CHD2: variants seen among roughly 807,000 people sequenced by gnomAD.
CHD2 encodes the protein chromodomain helicase DNA binding protein 2.
CHD2 carries 28 observed loss-of-function variants against 243.9 expected under a neutral mutation model. The observed-to-expected ratio is 0.11, with a 90% CI of 0.09 to 0.16. The LOEUF (loss-of-function observed/expected upper bound fraction) is 0.16. CHD2 is among the 10% of genes least tolerant of loss of function. The pLI is 1.00. For missense variants in CHD2, 1,386 were observed against 2,209.8 expected (o/e 0.63, Z 7.47); for synonymous variants, 775 against 779.0 (o/e 0.99, Z 0.09).
intron 22 of CHD2, 150 bp from the exon 23 acceptor site, chr15:92,980,665 G>GA: frequency 1.7e-6 from 1 of 603,992 alleles, no homozygotes; most frequent in East Asian, 2.9e-5. Context: ...CCTGTAGATA[G>GA]AAAATGCGAT....
chr15:93,005,221 C>G (rs1158295335), intron 34 of CHD2, among the ~76,000 whole-genome samples: 1 of 152,034 alleles, frequency 6.6e-6, no homozygotes, highest in East Asian at 1.9e-4. Flanking sequence ...CTGTGGAGAT[C>G]CTGTGAGAAG....
Position 92,991,529 on chromosome 15 carries a change from G to A in CHD2, c.3455+12G>A, listed in dbSNP as rs1457964954. 7 of 1,588,610 alleles carry A rather than the reference G, an allele frequency of 4.4e-6. No homozygotes were observed. Among genetic ancestry groups the A allele is most frequent in the African/African-American group, 4.1e-5 (3 of 73,760 alleles). Reference sequence around the variant, plus strand: ...CTCCCTCTTGAACGGTAAGTTCAGTGTAATAGTCCCTTATCTTCCTCTTTT... The same window carrying A: ...CTCCCTCTTGAACGGTAAGTTCAGTATAATAGTCCCTTATCTTCCTCTTTT... On this transcript the variant is annotated intron_variant, in intron 27 of 38. Coordinates refer to ENST00000394196, the MANE Select transcript of CHD2 (RefSeq NM_001271.4).
At chr15:92,963,372 TCA>T (rs1349797757) in intron 16 of CHD2, among the ~76,000 whole-genome samples, 1 of 152,232 alleles carries the variant, frequency 6.6e-6, no homozygotes, top group East Asian at 1.9e-4. Flanking sequence ...ATTGTATGCA[TCA>T]GTCTTCTTCA....
At chr15:92,991,085 A>T (rs1007401128) in intron 26 of CHD2, among the ~76,000 whole-genome samples, 4 of 152,262 alleles carry the variant, frequency 2.6e-5, no homozygotes, top group African/African-American at 9.6e-5. Context: ...GGTGAACTGA[A>T]TACGCTGATG....
At chr15:92,929,202 CTG>C in intron 5 of CHD2, 111 bp downstream of exon 5, 1 of 980,874 alleles carries the variant, frequency 1.0e-6, no homozygotes, top group Non-Finnish European at 1.5e-6. Context: ...TAGTCTGCTT[CTG>C]TCTCTCTTAC....
chr15:92,987,759 C>T (rs2054063038), intron 26 of CHD2, among the ~76,000 whole-genome samples: 2 of 149,416 alleles, frequency 1.3e-5, no homozygotes. Context: ...TGCTATTTGT[C>T]TTCTATATGT....
chr15:92,905,157 CTT>C (rs1209803883), intron 2 of CHD2: 6 of 722,044 alleles, frequency 8.3e-6, no homozygotes, highest in South Asian at 4.0e-5. Flanking sequence ...GAAAACTACT[CTT>C]TTAAGTGTTA....
chr15:92,978,311 T>C lies in CHD2; in HGVS notation c.2655T>C (p.Phe885=), dbSNP rs1202405061. The change falls in exon 21 of 39, where the codon TTT becomes TTC. Residue 885 remains phenylalanine, a synonymous_variant. Coordinates refer to ENST00000394196, the MANE Select transcript of CHD2 (RefSeq NM_001271.4). Reference sequence around the variant, plus strand: ...CTTCAGCGGACACAGTCGTCATCTTTGACTCTGACTGGAACCCCCAGAATG... The same window carrying C: ...CTTCAGCGGACACAGTCGTCATCTTCGACTCTGACTGGAACCCCCAGAATG... The part of the protein sequence containing the change: ...NLASADTVVI[F]DSDWNPQNDL... The C allele has an allele frequency of 5.6e-6, 9 of 1,614,144 alleles. No homozygotes were observed. The highest frequency in any genetic ancestry group is 7.6e-6 in the Non-Finnish European group (9 of 1,180,010).
chr15:92,994,322 G>A (rs138539495), intron 28 of CHD2, among the ~76,000 whole-genome samples: 38 of 152,222 alleles, frequency 2.5e-4, no homozygotes, highest in Admixed American at 2.2e-3. Flanking sequence ...CGTCTGGCTT[G>A]CAATGTTAGC....
intron 17 of CHD2, 53 bp from the exon 18 acceptor site, chr15:92,971,712 A>G: frequency 3.3e-6 from 5 of 1,538,164 alleles, no homozygotes; most frequent in Non-Finnish European, 4.4e-6. Flanking sequence ...TCTGGTACCT[A>G]CAACTTTCTG....
rs1304497292 is a variant in CHD2 at position 92,997,641 on chromosome 15, G to T, written c.3885+238G>T. On this transcript the variant is annotated intron_variant, in intron 30 of 38. Transcript: ENST00000394196. This position sits in a 1 kb window ranked among gnomAD's most constrained non-coding sequence, Gnocchi z 4.1. ...CTGTAGGAGAAATCTTAAAATTCTGGTATTTAATTATAGGTCAGATTTCAT... is the reference window on the plus strand; with the variant it reads ...CTGTAGGAGAAATCTTAAAATTCTGTTATTTAATTATAGGTCAGATTTCAT... 9 of 328,258 alleles carry T rather than the reference G, an allele frequency of 2.7e-5. No homozygotes were observed. The highest frequency in any genetic ancestry group is 4.4e-5 in the Non-Finnish European group (8 of 182,828). 20.3% of individuals were successfully genotyped at this position (328,258 alleles called of 1,614,324 possible).
chr15:92,980,389 GC>G (rs1279775469), intron 22 of CHD2, among the ~76,000 whole-genome samples: 2 of 151,984 alleles, frequency 1.3e-5, no homozygotes, highest in African/African-American at 4.8e-5. Context: ...ATTCAAATTA[GC>G]CCTTCCTAAA....
At chr15:92,949,372 A>G (rs756681508) in intron 13 of CHD2, 2 of 416,410 alleles carry the variant, frequency 4.8e-6, no homozygotes, top group Non-Finnish European at 7.3e-6. Flanking sequence ...GTATATAGCA[A>G]GTTAAGTCAC....
rs111294901 is a variant in CHD2, at chr15:92,958,956, C to T, written c.2000+2307C>T. ...TTGATTTAACAATGTTTTAAACTTA[C>T]GATGGGTTTCTCAGGACATAACCCT... On this transcript the variant is annotated intron_variant, in intron 16 of 38. Transcript: ENST00000394196. 9.8e-5 allele frequency among the ~76,000 whole-genome samples: 15 copies of T among 152,316 alleles called. 1 individual carries two copies. Among genetic ancestry groups the T allele is most frequent in the African/African-American group, 2.4e-4 (10 of 41,558 alleles).
At chr15:92,973,750 T>C (rs1303260400) in intron 19 of CHD2, among the ~76,000 whole-genome samples, 1 of 152,236 alleles carries the variant, frequency 6.6e-6, no homozygotes, top group African/African-American at 2.4e-5. Context: ...AAATCAAGAA[T>C]GCATCGTTTT....
intron 2 of CHD2, among the ~76,000 whole-genome samples, chr15:92,909,843 A>G (rs1401433216): frequency 6.6e-6 from 1 of 152,114 alleles, no homozygotes; most frequent in African/African-American, 2.4e-5. Context: ...TCAGGAAGGA[A>G]TATTGTACAT....
intron 33 of CHD2, among the ~76,000 whole-genome samples, chr15:93,004,123 CAAA>C (rs982331625): frequency 8.2e-5 from 6 of 73,506 alleles, no homozygotes; most frequent in African/African-American, 1.9e-4. Context: ...GAATCTGTCT[CAAA>C]AAAAAAAAAA....
At chr15:92,996,896 A>T (rs1054473014) in intron 28 of CHD2, 61 bp from the exon 29 acceptor site, 1 of 1,538,116 alleles carries the variant, frequency 6.5e-7, no homozygotes. Context: ...TCGTTGATAC[A>T]TGTTTTCTGT....
At chr15:92,948,228 C>T (rs1364491537) in intron 12 of CHD2, among the ~76,000 whole-genome samples, 3 of 151,994 alleles carry the variant, frequency 2.0e-5, no homozygotes, top group Non-Finnish European at 2.9e-5. Context: ...GGTAGATGGG[C>T]GGCATTTCTG....
Sources: gnomAD v4.1 joint callset for allele counts (sites outside exome capture counted in the v4.1 genomes callset) on GRCh38, gnomAD v4.1.1 for gene constraint, Gnocchi (gnomAD v3.1) non-coding constraint, MANE v1.5 for transcripts, NCBI Gene and HGNC (gene_info 2026-07-23, HGNC 2026-07-21) for gene names.